Variants in INTS2 observed in about 807,000 individuals in gnomAD.
INTS2 encodes integrator complex subunit 2.
In INTS2, 57 loss-of-function variants were observed where a neutral mutation model predicts 139.6. That is an observed-to-expected ratio of 0.41 (90% CI 0.33 to 0.51). INTS2 has a LOEUF of 0.51. Among genes scored for constraint, INTS2 ranks in the 20% least tolerant of loss-of-function variants. The probability of loss-of-function intolerance (pLI) is 0.28; values close to 1 mark genes in which losing one functional copy is unlikely to be tolerated. For missense variants in INTS2, 1,196 were observed against 1,436.7 expected, an observed-to-expected ratio of 0.83 and a Z score of 2.71; for synonymous variants, 473 against 493.4, an observed-to-expected ratio of 0.96 and a Z score of 0.55.
At position 61,869,074 on chromosome 17, in the gene INTS2, C is replaced by A; in HGVS notation, c.3204G>T (p.Val1068=). Residue 1068 remains valine (V), a synonymous_variant, in exon 23 of 25, where the codon GTG becomes GTT. Transcript: ENST00000251334. The surrounding 1 kb of genome is among the most constrained non-coding windows in gnomAD (Gnocchi z 5.4). ...CCATGACATTGACAGCTAAACGAGC[C>A]ACACTAAGTGACTTTGGTAATGCAT... ...IQYALPKSLS[V]ARLAVNVMGT... 1 of 1,612,712 alleles carries A rather than the reference C, an allele frequency of 6.2e-7. No homozygotes were observed. Among genetic ancestry groups the A allele is most frequent in the Non-Finnish European group, 8.5e-7 (1 of 1,178,960 alleles).
intron 2 of INTS2, 68 bp from the exon 3 acceptor site, chr17:61,925,167 C>A: frequency 7.2e-7 from 1 of 1,386,126 alleles, no homozygotes; most frequent in Non-Finnish European, 1.0e-6. Flanking sequence ...TAAAAATTAT[C>A]TTTTATTGAA....
intron 3 of INTS2, among the ~76,000 whole-genome samples, chr17:61,922,231 A>G (rs903110194): frequency 1.3e-5 from 2 of 151,980 alleles, no homozygotes; most frequent in Non-Finnish European, 2.9e-5. Context: ...AGCACTTTGG[A>G]AGGCCAAGAT....
rs2079496893 is a variant in INTS2, at chr17:61,909,161, G to C, written c.955-1527C>G. Among the ~76,000 whole-genome samples the C allele has an allele frequency of 6.6e-6, 1 of 152,060 alleles. No homozygotes were observed. The highest frequency in any genetic ancestry group is 2.4e-5 in the African/African-American group (1 of 41,402). Reference sequence around the variant, plus strand: ...CGAGTCCTGCTCTGTCACCAGGCTGGAGTGCAGTGGCGTGATCTCGGCTCA... The same window carrying C: ...CGAGTCCTGCTCTGTCACCAGGCTGCAGTGCAGTGGCGTGATCTCGGCTCA... On this transcript the variant is annotated intron_variant, in intron 7 of 24. Coordinates refer to ENST00000251334, the MANE Select transcript of INTS2 (RefSeq NM_001351695.2). This position sits in a 1 kb window ranked among gnomAD's most constrained non-coding sequence, Gnocchi z 4.9.
chr17:61,890,525 A>G (rs577373135), intron 14 of INTS2, among the ~76,000 whole-genome samples: 1 of 150,810 alleles, frequency 6.6e-6, no homozygotes, highest in South Asian at 2.1e-4. Flanking sequence ...CATGAGAATC[A>G]CTTGAACCCA....
intron 2 of INTS2, 62 bp from the exon 3 acceptor site, chr17:61,925,161 A>C: frequency 6.9e-7 from 1 of 1,440,896 alleles, no homozygotes; most frequent in East Asian, 2.3e-5. Context: ...ATTGCATAAA[A>C]ATTATCTTTT....
At chr17:61,878,423 G>A (rs2079145249) in intron 17 of INTS2, among the ~76,000 whole-genome samples, 1 of 151,922 alleles carries the variant, frequency 6.6e-6, no homozygotes, top group African/African-American at 2.4e-5. Context: ...AATGAGCCAG[G>A]CGTGGTGGCA....
intron 5 of INTS2, among the ~76,000 whole-genome samples, chr17:61,916,998 A>C (rs2079589476): frequency 6.6e-6 from 1 of 152,226 alleles, no homozygotes; most frequent in Admixed American, 6.5e-5. Flanking sequence ...GATACTTCTC[A>C]AAAGAAGACA....
intron 15 of INTS2, among the ~76,000 whole-genome samples, chr17:61,889,069 CA>C (rs1054372272): frequency 2.8e-5 from 4 of 143,012 alleles, no homozygotes; most frequent in East Asian, 4.0e-4. Context: ...CAAAACAAAA[CA>C]AAAAAAAAGA....
intron 17 of INTS2, among the ~76,000 whole-genome samples, chr17:61,879,578 C>CGGCCA (rs2079159498): frequency 6.6e-6 from 1 of 152,070 alleles, no homozygotes; most frequent in Admixed American, 6.5e-5. Context: ...AGGCCAGGCA[C>CGGCCA]GGTGGTTCAT....
Position 61,868,623 on chromosome 17 carries a change from A to G in INTS2, c.3244+411T>C, listed in dbSNP as rs1343503495. Among the ~76,000 whole-genome samples the G allele has an allele frequency of 6.6e-6, 1 of 152,160 alleles. No homozygotes were observed. Reference sequence around the variant, plus strand: ...TGTTTTAGAACTTATGAAGACATCTAATACATTTATCTTTCATTTATACAT... The same window carrying G: ...TGTTTTAGAACTTATGAAGACATCTGATACATTTATCTTTCATTTATACAT... On this transcript the variant is annotated intron_variant, in intron 23 of 24. Coordinates refer to ENST00000251334, the MANE Select transcript of INTS2 (RefSeq NM_001351695.2). The surrounding 1 kb of genome is among the most constrained non-coding windows in gnomAD (Gnocchi z 4.7).
intron 18 of INTS2, among the ~76,000 whole-genome samples, chr17:61,877,273 A>G (rs569722390): frequency 6.6e-6 from 1 of 152,336 alleles, no homozygotes; most frequent in African/African-American, 2.4e-5. Flanking sequence ...CTGGGGAGCT[A>G]AAGTCTAAAA....
Position 61,897,226 on chromosome 17 carries a change from G to A in INTS2, c.1494+243C>T, listed in dbSNP as rs1314295763. ...TCAGAATATTAATAGTAGTATACTA[G>A]GTATCTCTGAATCATGGAATTATAA... On this transcript the variant is annotated intron_variant, in intron 11 of 24. Coordinates refer to ENST00000251334, the MANE Select transcript of INTS2 (RefSeq NM_001351695.2). The surrounding 1 kb of genome is among the most constrained non-coding windows in gnomAD (Gnocchi z 4.4). 6.6e-6 allele frequency among the ~76,000 whole-genome samples: 1 copy of A among 151,976 alleles called. No individual in the cohort carries two copies.
intron 7 of INTS2, among the ~76,000 whole-genome samples, chr17:61,908,311 A>T (rs1192054707): frequency 1.3e-5 from 2 of 152,170 alleles, no homozygotes. Context: ...GCTACTTGGG[A>T]GGCTGAAGCA....
At position 61,909,802 on chromosome 17, in the gene INTS2, CGT is replaced by C. The variant is rs952777850; in HGVS notation, c.954+1716_954+1717del. Among the ~76,000 whole-genome samples the C allele has an allele frequency of 1.1e-4, 16 of 140,980 alleles. No homozygotes were observed. The highest frequency in any genetic ancestry group is 4.7e-4 in the South Asian group (2 of 4,236). The allele number at this position is 140,980 out of a possible 152,430, so 92.5% of individuals were successfully genotyped here. Reference sequence around the variant, plus strand: ...GTTTGTGTGTGTGTATACATATATACGTGTGTGTGTACATGTGTGTATGTGTG... The same window carrying C: ...GTTTGTGTGTGTGTATACATATATACGTGTGTGTACATGTGTGTATGTGTG... On this transcript the variant is annotated intron_variant, in intron 7 of 24. Transcript: ENST00000251334. The surrounding 1 kb of genome is among the most constrained non-coding windows in gnomAD (Gnocchi z 4.9).
In INTS2 at chr17:61,870,885, T is replaced by C. The variant is rs936108210; in HGVS notation, c.2779-897A>G. ...CTGGTTCTGACATTTACTAAATGTG[T>C]AACCATGAGCAAGTCACTTAACTTC... On this transcript the variant is annotated intron_variant, in intron 20 of 24. Transcript: ENST00000251334. This position sits in a 1 kb window ranked among gnomAD's most constrained non-coding sequence, Gnocchi z 4.4. Among the ~76,000 whole-genome samples the C allele has an allele frequency of 5.9e-5, 9 of 152,198 alleles. No individual in the cohort carries two copies. The highest frequency in any genetic ancestry group is 2.2e-4 in the African/African-American group (9 of 41,440).
chr17:61,917,696 G>C (rs757682335), intron 5 of INTS2, among the ~76,000 whole-genome samples: 2 of 152,076 alleles, frequency 1.3e-5, no homozygotes, highest in South Asian at 4.1e-4. Context: ...CCTGGGTGAC[G>C]GGATCATTCA....
In INTS2 at chr17:61,870,526, C is replaced by A; in HGVS notation, c.2779-538G>T. 6.6e-6 allele frequency among the ~76,000 whole-genome samples: 1 copy of A among 152,128 alleles called. No individual in the cohort carries two copies. The highest frequency in any genetic ancestry group is 1.9e-4 in the East Asian group (1 of 5,196). Reference sequence around the variant, plus strand: ...CACAACTCATTGCTCAGTCTACAGGCTTGAGCATCATTGCACAGAGCAGTA... The same window carrying A: ...CACAACTCATTGCTCAGTCTACAGGATTGAGCATCATTGCACAGAGCAGTA... On this transcript the variant is annotated intron_variant, in intron 20 of 24. Transcript: ENST00000251334. This position sits in a 1 kb window ranked among gnomAD's most constrained non-coding sequence, Gnocchi z 4.4.
chr17:61,927,653 C>T lies in INTS2; in HGVS notation c.-19+1G>A, dbSNP rs2079731631. ...AGGCCAGAGAAGCGGACGCTTCATA[C>T]CTTAAGATCTACCCTCCAGCCTCAC... On this transcript the variant is annotated splice_donor_variant, in intron 1 of 24. Transcript: ENST00000251334. LOFTEE classifies it low-confidence loss of function (5UTR_SPLICE). The T allele has an allele frequency of 7.2e-7, 1 of 1,391,814 alleles. No homozygotes were observed. The highest frequency in any genetic ancestry group is 9.3e-7 in the Non-Finnish European group (1 of 1,073,792). 86.2% of individuals were successfully genotyped at this position (1,391,814 alleles called of 1,614,324 possible).
chr17:61,924,700 G>A (rs2079690359), intron 3 of INTS2, among the ~76,000 whole-genome samples: 1 of 151,972 alleles, frequency 6.6e-6, no homozygotes, highest in Non-Finnish European at 1.5e-5. Context: ...GTGGTGGCGG[G>A]CACCTGTAAT....
Sources: gnomAD v4.1 joint callset for allele counts (sites outside exome capture counted in the v4.1 genomes callset) on GRCh38, gnomAD v4.1.1 for gene constraint, Gnocchi (gnomAD v3.1) non-coding constraint, MANE v1.5 for transcripts, NCBI Gene and HGNC (gene_info 2026-07-23, HGNC 2026-07-21) for gene names.